XIRP2: variants seen among roughly 807,000 people sequenced by gnomAD.
The protein encoded by XIRP2 is xin actin binding repeat containing 2.
Under a neutral mutation model 277.0 loss-of-function variants are expected in XIRP2, and 236 were observed. The ratio of observed to expected loss-of-function variants is 0.85; its 90% CI spans 0.77 to 0.95. XIRP2 has a LOEUF of 0.95. Among genes scored for constraint, XIRP2 ranks in the 40% least tolerant of loss-of-function variants. The pLI, the probability that XIRP2 is intolerant of heterozygous loss-of-function variation, is 0.00. For missense variants in XIRP2, 4,640 were observed against 4,157.5 expected (o/e 1.12, Z -3.19); for synonymous variants, 1,490 against 1,416.5 (o/e 1.05, Z -1.17).
chr2:167,152,781 T>C (rs73017976), intron 3 of XIRP2, among the ~76,000 whole-genome samples: 15,034 of 152,116 alleles, frequency 0.099, 799 homozygotes, highest in South Asian at 0.15. Flanking sequence ...AATTGTTCTC[T>C]ACTTTTAACC....
intron 2 of XIRP2, among the ~76,000 whole-genome samples, chr2:166,929,921 T>C (rs1685285003): frequency 6.6e-6 from 1 of 152,136 alleles, no homozygotes; most frequent in South Asian, 2.1e-4. Flanking sequence ...AGATAGCTCA[T>C]CTTCACCTAA....
intron 2 of XIRP2, among the ~76,000 whole-genome samples, chr2:167,054,043 G>T (rs1688983232): frequency 6.6e-6 from 1 of 152,244 alleles, no homozygotes; most frequent in African/African-American, 2.4e-5. Flanking sequence ...ACATATTGGG[G>T]AACTTTAACA....
intron 2 of XIRP2, among the ~76,000 whole-genome samples, chr2:166,941,983 G>A (rs1685733590): frequency 6.6e-6 from 1 of 152,176 alleles, no homozygotes; most frequent in South Asian, 2.1e-4. Context: ...TCTTCTCTGT[G>A]AAAATTCTAA....
At chr2:167,201,200 AAG>A (rs1693682844) in intron 3 of XIRP2, among the ~76,000 whole-genome samples, 1 of 28,436 alleles carries the variant, frequency 3.5e-5, no homozygotes, top group African/African-American at 1.3e-4. Context: ...GAAAGAAAGA[AAG>A]AAAGAAAGAA....
chr2:167,170,356 G>C (rs1692651856), intron 3 of XIRP2, among the ~76,000 whole-genome samples: 1 of 151,828 alleles, frequency 6.6e-6, no homozygotes, highest in African/African-American at 2.4e-5. Flanking sequence ...CTATTTTTCT[G>C]AAAAAAATTT....
chr2:167,254,150 G>T lies in XIRP2; in HGVS notation c.*24G>T. Reference sequence around the variant, plus strand: ...AAGTCCTGCTTCCGATGCCACCATTGCAACAGTAAACTAAGGTAAAATGTT... The same window carrying T: ...AAGTCCTGCTTCCGATGCCACCATTTCAACAGTAAACTAAGGTAAAATGTT... On this transcript the variant is annotated 3_prime_UTR_variant, in exon 10 of 11. Transcript: ENST00000409195. The T allele has an allele frequency of 6.2e-7, 1 of 1,609,334 alleles. No homozygotes were observed. Among genetic ancestry groups the T allele is most frequent in the Non-Finnish European group, 8.5e-7 (1 of 1,177,564 alleles).
chr2:167,145,886 A>G (rs1470917220), intron 3 of XIRP2, among the ~76,000 whole-genome samples: 1 of 152,216 alleles, frequency 6.6e-6, no homozygotes, highest in Non-Finnish European at 1.5e-5. Context: ...GACCATTAAC[A>G]CAAAGTCCAA....
intron 3 of XIRP2, among the ~76,000 whole-genome samples, chr2:167,184,378 G>A (rs964798870): frequency 6.6e-6 from 1 of 152,028 alleles, no homozygotes; most frequent in Non-Finnish European, 1.5e-5. Flanking sequence ...ACTTTTCTTG[G>A]GCTTTGTTTG....
intron 5 of XIRP2, among the ~76,000 whole-genome samples, chr2:167,226,488 A>G (rs1204862042): frequency 2.0e-5 from 3 of 152,204 alleles, no homozygotes; most frequent in Non-Finnish European, 4.4e-5. Flanking sequence ...AATTAACTGC[A>G]TTTAGAACTG....
At chr2:166,965,511 C>A (rs979716107) in intron 2 of XIRP2, among the ~76,000 whole-genome samples, 1 of 151,822 alleles carries the variant, frequency 6.6e-6, no homozygotes, top group Non-Finnish European at 1.5e-5. Flanking sequence ...TTTTTAGAGA[C>A]TTAATAACAG....
At chr2:167,068,357 C>T (rs905719618) in intron 2 of XIRP2, among the ~76,000 whole-genome samples, 1 of 152,166 alleles carries the variant, frequency 6.6e-6, no homozygotes, top group Non-Finnish European at 1.5e-5. Context: ...CTTCCTCAGC[C>T]AACACCAATA....
chr2:167,206,055 G>A (rs539925933), intron 3 of XIRP2, among the ~76,000 whole-genome samples: 18 of 152,160 alleles, frequency 1.2e-4, no homozygotes, highest in Admixed American at 7.9e-4. Flanking sequence ...AGTGTTCGGC[G>A]TTGTAAAGGA....
At chr2:167,039,076 T>C (rs1395100005) in intron 2 of XIRP2, among the ~76,000 whole-genome samples, 2 of 152,274 alleles carry the variant, frequency 1.3e-5, no homozygotes, top group East Asian at 1.9e-4. Context: ...ATTTGGTGTA[T>C]TATTTGATTT....
intron 2 of XIRP2, among the ~76,000 whole-genome samples, chr2:167,108,231 ATC>A (rs569612716): frequency 6.6e-6 from 1 of 151,782 alleles, no homozygotes; most frequent in East Asian, 1.9e-4. Flanking sequence ...ATTTTGTGTC[ATC>A]TCTCTTTTTT....
At chr2:167,013,001 A>T (rs1687724438) in intron 2 of XIRP2, among the ~76,000 whole-genome samples, 1 of 151,332 alleles carries the variant, frequency 6.6e-6, no homozygotes, top group South Asian at 2.1e-4. Context: ...TAAAATTGAC[A>T]TTAGGACATA....
chr2:167,194,602 T>C (rs1171660876), intron 3 of XIRP2, among the ~76,000 whole-genome samples: 2 of 151,910 alleles, frequency 1.3e-5, no homozygotes, highest in Non-Finnish European at 2.9e-5. Flanking sequence ...CCAGAAGAGG[T>C]TCCAAATGAA....
chr2:167,258,441 A>G lies in XIRP2; in HGVS notation c.*624A>G, dbSNP rs1695729451. 1 of 1,613,176 alleles carries G rather than the reference A, an allele frequency of 6.2e-7. No individual in the cohort carries two copies. The highest frequency in any genetic ancestry group is 1.3e-5 in the African/African-American group (1 of 74,874). ...CCTGAAGGAAGAAAAGATGAAAAGAAGGAAGGAAGGAAGAATGTGCAAGAT... is the reference window on the plus strand; with the variant it reads ...CCTGAAGGAAGAAAAGATGAAAAGAGGGAAGGAAGGAAGAATGTGCAAGAT... On this transcript the variant is annotated 3_prime_UTR_variant, in exon 11 of 11. Transcript: ENST00000409195.
rs911800730 is a variant in XIRP2 at position 167,232,161 on chromosome 2, G to T, written c.859-7694G>T. Among the ~76,000 whole-genome samples, 11 of 152,070 alleles carry T rather than the reference G, an allele frequency of 7.2e-5. No homozygotes were observed. In the East Asian group the frequency reaches 1.9e-3, roughly 27 times the overall value. Reference sequence around the variant, plus strand: ...TCTTAATGTTTTTTACTGTCAAAATGGGAATCATACAACAGTATCTTTTAG... The same window carrying T: ...TCTTAATGTTTTTTACTGTCAAAATTGGAATCATACAACAGTATCTTTTAG... On this transcript the variant is annotated intron_variant, in intron 5 of 10. Coordinates refer to ENST00000409195, the MANE Select transcript of XIRP2 (RefSeq NM_152381.6).
At chr2:166,967,847 T>A (rs534470606) in intron 2 of XIRP2, among the ~76,000 whole-genome samples, 1 of 152,098 alleles carries the variant, frequency 6.6e-6, no homozygotes, top group South Asian at 2.1e-4. Context: ...TACTTTTAAT[T>A]TTTTTGATTT....
Sources: gnomAD v4.1 joint callset for allele counts (sites outside exome capture counted in the v4.1 genomes callset) on GRCh38, gnomAD v4.1.1 for gene constraint, MANE v1.5 for transcripts, NCBI Gene and HGNC (gene_info 2026-07-23, HGNC 2026-07-21) for gene names.